SSU72: variants seen among roughly 807,000 people sequenced by gnomAD.
SSU72 encodes the protein RNA polymerase II subunit A C-terminal domain phosphatase SSU72.
SSU72 carries 12 observed loss-of-function variants against 22.7 expected under a neutral mutation model. The ratio of observed to expected loss-of-function variants is 0.53; its 90% CI spans 0.34 to 0.86. The LOEUF is 0.86. SSU72 is among the 40% of genes least tolerant of loss of function. SSU72 has a pLI of 0.02. For missense variants in SSU72, 151 were observed against 249.8 expected (o/e 0.60, Z 2.67); for synonymous variants, 116 against 98.3 (o/e 1.18, Z -1.06).
intron 1 of SSU72, among the ~76,000 whole-genome samples, chr1:1,565,764 T>G (rs1016021019): frequency 8.1e-5 from 6 of 74,480 alleles, no homozygotes; most frequent in African/African-American, 7.1e-4. Flanking sequence ...GTGAGGAAAC[T>G]GACCAAATAC....
At chr1:1,549,546 A>G (rs1642431564) in intron 2 of SSU72, among the ~76,000 whole-genome samples, 1 of 150,778 alleles carries the variant, frequency 6.6e-6, no homozygotes. Context: ...AAAAAGAAAA[A>G]AAAAGGCTGC....
intron 1 of SSU72, among the ~76,000 whole-genome samples, chr1:1,571,730 G>A (rs926838320): frequency 2.0e-5 from 3 of 152,060 alleles, no homozygotes; most frequent in Admixed American, 2.0e-4. Context: ...TCTCAGCGAG[G>A]TTATGACTGG....
chr1:1,556,438 G>C (rs141102886), intron 2 of SSU72, among the ~76,000 whole-genome samples: 14 of 152,024 alleles, frequency 9.2e-5, no homozygotes, highest in Non-Finnish European at 7.4e-5. Context: ...TACTTGCGGG[G>C]GCTGAGGCAG....
At chr1:1,557,980 C>T (rs549253796) in intron 2 of SSU72, among the ~76,000 whole-genome samples, 2 of 152,012 alleles carry the variant, frequency 1.3e-5, no homozygotes, top group East Asian at 3.9e-4. Context: ...GAGGCCAAGG[C>T]GGGCTCATCA....
intron 1 of SSU72, among the ~76,000 whole-genome samples, chr1:1,572,959 C>A (rs898184416): frequency 2.0e-5 from 3 of 150,828 alleles, no homozygotes; most frequent in Non-Finnish European, 4.4e-5. Context: ...AAATGAAGAT[C>A]CAGCACAATG....
At chr1:1,572,288 C>T (rs1381769180) in intron 1 of SSU72, among the ~76,000 whole-genome samples, 4 of 140,232 alleles carry the variant, frequency 2.9e-5, no homozygotes, top group South Asian at 2.6e-4. Flanking sequence ...ATTAGCCGGG[C>T]GTGGTGGCGG....
At chr1:1,572,650 G>C (rs960361171) in intron 1 of SSU72, among the ~76,000 whole-genome samples, 1 of 150,620 alleles carries the variant, frequency 6.6e-6, no homozygotes, top group African/African-American at 2.4e-5. Context: ...GTAGAGACGG[G>C]GTTTCATCGT....
chr1:1,556,845 C>T (rs1480940670), intron 2 of SSU72, among the ~76,000 whole-genome samples: 1 of 152,204 alleles, frequency 6.6e-6, no homozygotes. Context: ...CTCTTGAAGA[C>T]GAAGGCACAG....
intron 1 of SSU72, among the ~76,000 whole-genome samples, chr1:1,573,490 T>C (rs563994196): frequency 4.1e-5 from 6 of 147,490 alleles, no homozygotes; most frequent in Admixed American, 2.7e-4. Context: ...AATCAGCAGA[T>C]CATGAACACT....
chr1:1,548,388 T>G (rs1642418385), intron 2 of SSU72, among the ~76,000 whole-genome samples: 1 of 152,108 alleles, frequency 6.6e-6, no homozygotes, highest in Admixed American at 6.6e-5. Context: ...GAAACTCATC[T>G]ATACCAAATT....
chr1:1,558,887 A>C (rs775295622), intron 2 of SSU72, among the ~76,000 whole-genome samples: 1 of 152,230 alleles, frequency 6.6e-6, no homozygotes. Flanking sequence ...ACTTAGAAAC[A>C]GAAGTCACTT....
Position 1,574,500 on chromosome 1 carries a change from T to C in SSU72, c.58A>G (p.Met20Val). 2 of 1,595,798 alleles carry C rather than the reference T, an allele frequency of 1.3e-6. No individual in the cohort carries two copies. The highest frequency in any genetic ancestry group is 8.5e-7 in the Non-Finnish European group (1 of 1,173,268). ...TACCTGAGGATGTTGTGCGCCTCCA[T>C]GCTCCGGTTCTGGTTGCTCGAGCAC... ...VVCSSNQNRS[M>V]EAHNILSKRG... The change falls in exon 1 of 5, where the codon ATG becomes GTG. Residue 20 changes from methionine (M) to valine (V), a missense_variant. Physicochemically the swap from Met to Val is conservative, Grantham distance 21. Transcript: ENST00000291386.
chr1:1,566,350 T>A lies in SSU72; in HGVS notation c.81-1434A>T, dbSNP rs570598173. Among the ~76,000 whole-genome samples, 28 of 152,352 alleles carry A rather than the reference T, an allele frequency of 1.8e-4. No individual in the cohort carries two copies. In the South Asian group the frequency reaches 5.6e-3, roughly 30 times the overall value. On this transcript the variant is annotated intron_variant, in intron 1 of 4. Transcript: ENST00000291386. The stretch of plus-strand genomic sequence containing the variant: ...GATACTTATAATTACCTAAAAAATA[T>A]AGACTTCTCAACCTAGCTTTATTTA...
intron 1 of SSU72, 63 bp from the exon 2 acceptor site, chr1:1,564,979 G>A (rs772763898): frequency 9.8e-6 from 15 of 1,527,512 alleles, no homozygotes; most frequent in Non-Finnish European, 1.3e-5. Context: ...CAAAAGCAAG[G>A]GACAGCAAAT....
chr1:1,547,399 T>C (rs766943443), intron 2 of SSU72, among the ~76,000 whole-genome samples: 2 of 152,222 alleles, frequency 1.3e-5, no homozygotes, highest in Non-Finnish European at 2.9e-5. Flanking sequence ...TAAGGAGAAA[T>C]GTCTACTTCA....
At chr1:1,574,137 C>T (rs1217992336) in intron 1 of SSU72, among the ~76,000 whole-genome samples, 2 of 152,162 alleles carry the variant, frequency 1.3e-5, no homozygotes, top group Non-Finnish European at 2.9e-5. Flanking sequence ...GCGCCGTTTC[C>T]AGGGAAGGTG....
intron 1 of SSU72, among the ~76,000 whole-genome samples, chr1:1,565,953 A>G (rs1642656055): frequency 6.6e-6 from 1 of 152,200 alleles, no homozygotes; most frequent in East Asian, 1.9e-4. Context: ...ACAACAAGTT[A>G]CATGTAAAAA....
rs1235086174 is a variant in SSU72, at chr1:1,572,818, C to T, written c.80+1660G>A. The stretch of plus-strand genomic sequence containing the variant: ...TTGAACAAAGGATCACCAAGGAGAA[C>T]CAGCAGAACCAGAAGGTCTCCAGCC... On this transcript the variant is annotated intron_variant, in intron 1 of 4. Coordinates refer to ENST00000291386, the MANE Select transcript of SSU72 (RefSeq NM_014188.3). Among the ~76,000 whole-genome samples the T allele has an allele frequency of 2.8e-5, 4 of 144,248 alleles. No homozygotes were observed. In the East Asian group the frequency reaches 6.2e-4, roughly 22 times the overall value. The allele number at this position is 144,248 out of a possible 152,430, so 94.6% of individuals were successfully genotyped here. A position where few individuals can be genotyped will look rare whatever the true frequency, so the allele number is the denominator to read the frequency against.
At chr1:1,568,300 G>A (rs1642686566) in intron 1 of SSU72, among the ~76,000 whole-genome samples, 1 of 152,098 alleles carries the variant, frequency 6.6e-6, no homozygotes. Context: ...CCAAACAACT[G>A]TCTTTACAAG....
Sources: allele counts gnomAD v4.1 joint callset (sites outside exome capture counted in the v4.1 genomes callset), GRCh38; gene constraint gnomAD v4.1.1; transcripts MANE v1.5; gene names NCBI Gene and HGNC (gene_info 2026-07-23, HGNC 2026-07-21).